STXBP5: variants seen among roughly 807,000 people sequenced by gnomAD.
The protein encoded by STXBP5 is syntaxin binding protein 5, also known as syntaxin-binding protein 5.
In STXBP5, 50 loss-of-function variants were observed where a neutral mutation model predicts 152.4. The ratio of observed to expected loss-of-function variants is 0.33; its 90% confidence interval spans 0.26 to 0.42. STXBP5 has a LOEUF of 0.42. Among genes scored for constraint, STXBP5 ranks in the 10% least tolerant of loss-of-function variants. The pLI is 1.00. For synonymous variants in STXBP5, 492 were observed against 494.7 expected, an observed-to-expected ratio of 0.99 and a Z score of 0.07; for missense variants, 1,167 against 1,388.6, an observed-to-expected ratio of 0.84 and a Z score of 2.54.
At position 147,374,883 on chromosome 6, in the gene STXBP5, G is replaced by C. The variant is rs546477302; in HGVS notation, c.3193+1041G>C. On this transcript the variant is annotated intron_variant, in intron 26 of 27. Coordinates refer to ENST00000321680, the MANE Select transcript of STXBP5 (RefSeq NM_001127715.4). ...TAATTTAAGAGTAAGGGTGAACTGG[G>C]AATAAACTACCCACCTCCCCCCACC... Among the ~76,000 whole-genome samples the C allele has an allele frequency of 2.8e-4, 43 of 152,110 alleles. 1 individual carries two copies. In the South Asian group the frequency reaches 8.5e-3, roughly 30 times the overall value.
intron 4 of STXBP5, among the ~76,000 whole-genome samples, chr6:147,244,427 T>A (rs1778700761): frequency 6.6e-6 from 1 of 152,220 alleles, no homozygotes; most frequent in South Asian, 2.1e-4. Context: ...AGTTTGTCAA[T>A]ATCCACACAA....
chr6:147,239,605 A>T (rs1427892773), intron 4 of STXBP5, among the ~76,000 whole-genome samples: 2 of 152,174 alleles, frequency 1.3e-5, no homozygotes, highest in African/African-American at 4.8e-5. Context: ...AACATATCCC[A>T]TAGATTGTCT....
At chr6:147,238,803 C>T (rs1778401268) in intron 3 of STXBP5, among the ~76,000 whole-genome samples, 2 of 151,944 alleles carry the variant, frequency 1.3e-5, no homozygotes, top group Admixed American at 6.6e-5. Context: ...TACTTCATAC[C>T]ATGTTTTGCT....
At chr6:147,371,489 A>G (rs1255908450) in intron 25 of STXBP5, among the ~76,000 whole-genome samples, 1 of 152,026 alleles carries the variant, frequency 6.6e-6, no homozygotes, top group Non-Finnish European at 1.5e-5. Flanking sequence ...CTGGCACTTT[A>G]TATGCTCATT....
chr6:147,327,253 G>A lies in STXBP5; in HGVS notation c.2057G>A (p.Arg686His), dbSNP rs761528992. 2.0e-5 allele frequency: 33 copies of A among 1,612,380 alleles called. No homozygotes were observed. The highest frequency in any genetic ancestry group is 1.7e-4 in the Middle Eastern group (1 of 6,056). Residue 686 changes from arginine (R) to histidine (H), a missense_variant, in exon 18 of 28, where the codon CGT (arginine) becomes CAT (histidine). Arg to His is a conservative substitution (Grantham distance 29). Around this residue, in one of 3 missense-constraint regions of STXBP5, gnomAD observed 833 missense variants for 986.3 expected, o/e 0.84. Transcript: ENST00000321680. Reference sequence around the variant, plus strand: ...TATCGGAGAGAACCCCGATCTCCTCGTAAATCTCGACAGCCTTCAGGAGGT... The same window carrying A: ...TATCGGAGAGAACCCCGATCTCCTCATAAATCTCGACAGCCTTCAGGAGGT... ...DPYRREPRSP[R>H]KSRQPSGAGL... is the part of the protein sequence containing the mutation.
At chr6:147,355,050 G>T (rs1183246591) in intron 22 of STXBP5, among the ~76,000 whole-genome samples, 1 of 152,170 alleles carries the variant, frequency 6.6e-6, no homozygotes, top group African/African-American at 2.4e-5. Flanking sequence ...TCTGTGCATA[G>T]AATTCATTTT....
intron 9 of STXBP5, among the ~76,000 whole-genome samples, chr6:147,301,238 G>A (rs1781800011): frequency 1.3e-5 from 2 of 152,062 alleles, no homozygotes; most frequent in South Asian, 2.1e-4. Context: ...ATCATATGGA[G>A]GTTCCCCAAA....
intron 19 of STXBP5, among the ~76,000 whole-genome samples, chr6:147,334,428 CTT>C (rs1783729661): frequency 6.6e-6 from 1 of 152,130 alleles, no homozygotes; most frequent in Admixed American, 6.5e-5. Context: ...AAATCCAAAA[CTT>C]TACCTGCTGA....
At chr6:147,205,605 C>A (rs1428288863) in intron 1 of STXBP5, among the ~76,000 whole-genome samples, 1 of 152,062 alleles carries the variant, frequency 6.6e-6, no homozygotes, top group Non-Finnish European at 1.5e-5. Context: ...GAAATGAATA[C>A]TGCCAAAATA....
chr6:147,384,747 C>G lies in STXBP5; in HGVS notation c.3448C>G (p.Gln1150Glu). 1.2e-6 allele frequency: 2 copies of G among 1,611,158 alleles called. No individual in the cohort carries two copies. Among genetic ancestry groups the G allele is most frequent in the Non-Finnish European group, 1.7e-6 (2 of 1,178,782 alleles). Reference protein sequence around the residue: ...MLKYKDKKWYQF With the variant: ...MLKYKDKKWYEF Reference sequence around the variant, plus strand: ...GAAATACAAAGATAAGAAGTGGTACCAGTTCTGACAACCAGAATCCAATAA... The same window carrying G: ...GAAATACAAAGATAAGAAGTGGTACGAGTTCTGACAACCAGAATCCAATAA... The change falls in exon 28 of 28, where the codon CAG becomes GAG. Residue 1150 changes from glutamine to glutamate, a missense_variant. By Grantham distance (29) the Gln-to-Glu change is conservative. This residue lies in a region of STXBP5 where 833 missense variants were observed against 986.3 expected (regional missense o/e 0.84). Coordinates refer to ENST00000321680, the MANE Select transcript of STXBP5 (RefSeq NM_001127715.4).
intron 18 of STXBP5, among the ~76,000 whole-genome samples, chr6:147,330,884 A>G (rs553945419): frequency 5.9e-5 from 9 of 152,324 alleles, no homozygotes; most frequent in Admixed American, 2.0e-4. Flanking sequence ...GATTTTGTAA[A>G]TACAGTTTTA....
chr6:147,230,549 C>T (rs2115146207), intron 2 of STXBP5, among the ~76,000 whole-genome samples: 1 of 151,732 alleles, frequency 6.6e-6, no homozygotes, highest in East Asian at 1.9e-4. Flanking sequence ...TATTAAGTAC[C>T]CAGTTGTGAA....
At chr6:147,255,940 T>C (rs1779338324) in intron 4 of STXBP5, among the ~76,000 whole-genome samples, 3 of 152,216 alleles carry the variant, frequency 2.0e-5, no homozygotes, top group Non-Finnish European at 4.4e-5. Flanking sequence ...CTGTAGACTA[T>C]CATACAAATT....
At chr6:147,335,090 T>A (rs186612086) in intron 19 of STXBP5, among the ~76,000 whole-genome samples, 29 of 152,306 alleles carry the variant, frequency 1.9e-4, no homozygotes, top group African/African-American at 6.5e-4. Context: ...TACTAACTAG[T>A]CGATTATTTC....
At chr6:147,239,417 G>C (rs1582826921) in intron 4 of STXBP5, 147 bp downstream of exon 4, 1 of 620,026 alleles carries the variant, frequency 1.6e-6, no homozygotes, top group East Asian at 2.9e-5. Context: ...ATAAAAGCAA[G>C]ATTCCTTCTT....
chr6:147,325,961 G>A (rs1465207764), intron 17 of STXBP5, among the ~76,000 whole-genome samples: 2 of 152,114 alleles, frequency 1.3e-5, no homozygotes, highest in Non-Finnish European at 2.9e-5. Context: ...ATTGTATTAG[G>A]TATATGTAAA....
chr6:147,273,679 T>C (rs560044124), intron 7 of STXBP5, among the ~76,000 whole-genome samples: 95 of 152,092 alleles, frequency 6.2e-4, no homozygotes, highest in African/African-American at 1.8e-3. Flanking sequence ...ATGCCGGGCG[T>C]GGTGGCTCAC....
chr6:147,347,457 T>TCC (rs1431063894), intron 21 of STXBP5, among the ~76,000 whole-genome samples: 2 of 152,204 alleles, frequency 1.3e-5, no homozygotes, highest in Non-Finnish European at 2.9e-5. Context: ...AAAGCCATGG[T>TCC]AGGAAGACTG....
chr6:147,263,393 T>A, intron 6 of STXBP5, among the ~76,000 whole-genome samples: 1 of 150,418 alleles, frequency 6.6e-6, no homozygotes, highest in East Asian at 1.9e-4. Flanking sequence ...AGTCTCACTA[T>A]GTTGCCTAAG....
Sources: gnomAD v4.1 joint callset for allele counts (sites outside exome capture counted in the v4.1 genomes callset) on GRCh38, gnomAD v4.1.1 for gene constraint, gnomAD v4.1.1 regional missense constraint, MANE v1.5 for transcripts, NCBI Gene and HGNC (gene_info 2026-07-23, HGNC 2026-07-21) for gene names.